MAP4K3: variants seen among roughly 807,000 people sequenced by gnomAD.
MAP4K3 encodes mitogen-activated protein kinase kinase kinase kinase 3.
A neutral mutation model predicts 143.5 loss-of-function variants in MAP4K3; 94 were observed. The observed-to-expected ratio is 0.65, with a 90% confidence interval of 0.55 to 0.78. The LOEUF is 0.78. Ranked by LOEUF, MAP4K3 falls within the 30% of genes least tolerant of loss-of-function variation. MAP4K3 has a pLI of 0.00. For synonymous variants in MAP4K3, 416 were observed against 347.2 expected (o/e 1.20, Z -2.20); for missense variants, 1,077 against 1,068.1 (o/e 1.01, Z -0.12).
intron 1 of MAP4K3, among the ~76,000 whole-genome samples, chr2:39,389,133 G>A (rs1208494116): frequency 6.6e-5 from 10 of 151,850 alleles, no homozygotes; most frequent in East Asian, 1.9e-4. Flanking sequence ...TAAATACATG[G>A]GTCAGAAGCA....
chr2:39,376,953 G>A (rs2148579468), intron 2 of MAP4K3, among the ~76,000 whole-genome samples: 1 of 152,228 alleles, frequency 6.6e-6, no homozygotes, highest in East Asian at 1.9e-4. Flanking sequence ...CTTGTCTTGC[G>A]ATGTTTAGAA....
intron 16 of MAP4K3, among the ~76,000 whole-genome samples, chr2:39,296,229 G>C (rs1682276636): frequency 6.6e-6 from 1 of 152,092 alleles, no homozygotes; most frequent in Admixed American, 6.6e-5. Context: ...TGAAAAGTAG[G>C]ATGCATGATT....
chr2:39,339,984 C>T (rs974751427), intron 4 of MAP4K3, among the ~76,000 whole-genome samples: 1 of 151,530 alleles, frequency 6.6e-6, no homozygotes, highest in African/African-American at 2.4e-5. Flanking sequence ...TATTAAAGAA[C>T]AATATTAAAT....
At chr2:39,305,372 T>C (rs1332151763) in intron 15 of MAP4K3, among the ~76,000 whole-genome samples, 1 of 152,226 alleles carries the variant, frequency 6.6e-6, no homozygotes, top group Non-Finnish European at 1.5e-5. Flanking sequence ...TTTGAATTCC[T>C]GAGCTAGGCT....
intron 1 of MAP4K3, among the ~76,000 whole-genome samples, chr2:39,385,583 T>TATATATATATATAC (rs1553422496): frequency 3.9e-5 from 3 of 77,248 alleles, no homozygotes; most frequent in African/African-American, 1.1e-4. Flanking sequence ...TATATATATA[T>TATATATATATATAC]ATATATATAT....
chr2:39,362,243 C>A, intron 2 of MAP4K3, among the ~76,000 whole-genome samples: 1 of 151,848 alleles, frequency 6.6e-6, no homozygotes, highest in East Asian at 1.9e-4. Context: ...GTCCTTTGGC[C>A]AGAAACAAGA....
intron 1 of MAP4K3, among the ~76,000 whole-genome samples, chr2:39,414,179 C>T (rs561155833): frequency 4.6e-5 from 7 of 152,188 alleles, no homozygotes; most frequent in African/African-American, 1.7e-4. Context: ...AAACACTCAC[C>T]AACCTCTCCA....
intron 1 of MAP4K3, among the ~76,000 whole-genome samples, chr2:39,385,231 G>A (rs1394989965): frequency 6.6e-6 from 1 of 152,048 alleles, no homozygotes; most frequent in African/African-American, 2.4e-5. Context: ...CATATGGTAG[G>A]TATATGTTTA....
At chr2:39,315,522 T>C in intron 12 of MAP4K3, 134 bp from the exon 13 acceptor site, 1 of 568,412 alleles carries the variant, frequency 1.8e-6, no homozygotes, top group Non-Finnish European at 3.0e-6. Flanking sequence ...TGCAAATTTT[T>C]TTTTTTTAAA....
intron 15 of MAP4K3, among the ~76,000 whole-genome samples, chr2:39,302,625 C>A (rs1229713136): frequency 6.6e-6 from 1 of 152,082 alleles, no homozygotes; most frequent in Non-Finnish European, 1.5e-5. Context: ...CTTGGAAAGG[C>A]GCTCAAACTA....
rs1397768475 is a variant in MAP4K3, at chr2:39,308,024, GA to G, written c.1057-20del. On this transcript the variant is annotated intron_variant, in intron 14 of 33. Coordinates refer to ENST00000263881, the MANE Select transcript of MAP4K3 (RefSeq NM_003618.4). ...TGTCGGGCTGTTTAGCAGAGACCAA[GA>G]AACCCAAGTTATTTACGCTTAGACT... The G allele has an allele frequency of 1.2e-5, 19 of 1,573,534 alleles. No individual in the cohort carries two copies. The highest frequency in any genetic ancestry group is 1.6e-5 in the Non-Finnish European group (19 of 1,159,948).
intron 1 of MAP4K3, among the ~76,000 whole-genome samples, chr2:39,436,060 T>C (rs1412021852): frequency 6.6e-6 from 1 of 152,230 alleles, no homozygotes; most frequent in Non-Finnish European, 1.5e-5. Flanking sequence ...TCAAGACTGC[T>C]GCCACATTTG....
chr2:39,396,775 A>C (rs1273297693), intron 1 of MAP4K3, among the ~76,000 whole-genome samples: 2 of 152,194 alleles, frequency 1.3e-5, no homozygotes, highest in Admixed American at 1.3e-4. Context: ...GCCCAGCCCC[A>C]AATTTTTAAC....
intron 2 of MAP4K3, among the ~76,000 whole-genome samples, chr2:39,375,755 G>C (rs1012344868): frequency 6.6e-6 from 1 of 152,048 alleles, no homozygotes; most frequent in African/African-American, 2.4e-5. Flanking sequence ...ATAATTGTTA[G>C]TCCACCTCGT....
At chr2:39,337,897 G>A (rs977052395) in intron 4 of MAP4K3, among the ~76,000 whole-genome samples, 2 of 151,350 alleles carry the variant, frequency 1.3e-5, no homozygotes, top group African/African-American at 2.4e-5. Context: ...GTGGCTGGGG[G>A]CATAGGTGCA....
intron 2 of MAP4K3, among the ~76,000 whole-genome samples, chr2:39,373,232 C>T (rs964404377): frequency 5.3e-5 from 8 of 152,046 alleles, no homozygotes; most frequent in African/African-American, 1.9e-4. Flanking sequence ...CAAAACTATA[C>T]CATGAGATAT....
chr2:39,348,358 C>T (rs1199817325), intron 3 of MAP4K3, among the ~76,000 whole-genome samples: 3 of 151,986 alleles, frequency 2.0e-5, no homozygotes, highest in Admixed American at 6.6e-5. Context: ...AAAATCACGA[C>T]TATATAGTAA....
At chr2:39,364,531 G>A (rs1168572705) in intron 2 of MAP4K3, among the ~76,000 whole-genome samples, 1 of 152,180 alleles carries the variant, frequency 6.6e-6, no homozygotes, top group Non-Finnish European at 1.5e-5. Context: ...GCCCAAAGTG[G>A]TTGGTTTTAC....
intron 8 of MAP4K3, among the ~76,000 whole-genome samples, chr2:39,327,867 A>T (rs981269015): frequency 1.3e-5 from 2 of 152,162 alleles, no homozygotes; most frequent in African/African-American, 4.8e-5. Context: ...ACATTAGCTG[A>T]TGCTCTCCCT....
Sources: allele counts gnomAD v4.1 joint callset (sites outside exome capture counted in the v4.1 genomes callset), GRCh38; gene constraint gnomAD v4.1.1; transcripts MANE v1.5; gene names NCBI Gene and HGNC (gene_info 2026-07-23, HGNC 2026-07-21).